FAAH: variants seen among roughly 807,000 people sequenced by gnomAD.
The protein encoded by FAAH is fatty-acid amide hydrolase 1.
In FAAH, 63 loss-of-function variants were observed where a neutral mutation model predicts 69.7. The ratio of observed to expected loss-of-function variants is 0.90; its 90% CI spans 0.74 to 1.12. FAAH has a LOEUF of 1.12. Among genes scored for constraint, FAAH ranks in the 50% most tolerant of loss-of-function variants. The pLI is 0.00. For missense variants in FAAH, 680 were observed against 755.0 expected, an observed-to-expected ratio of 0.90 and a Z score of 1.16; for synonymous variants, 305 against 324.2, an observed-to-expected ratio of 0.94 and a Z score of 0.64.
rs549644929 is a variant in FAAH, at chr1:46,401,420, C to G, written c.196-671C>G. 1.6e-3 allele frequency among the ~76,000 whole-genome samples: 238 copies of G among 152,254 alleles called. 1 individual carries two copies. Among genetic ancestry groups the G allele is most frequent in the Non-Finnish European group, 3.0e-3 (206 of 68,002 alleles). ...CAGTGAGACCAAGAACCCACCAATTCCGGACACAGAATGAATGTGTAAACC... is the reference window on the plus strand; with the variant it reads ...CAGTGAGACCAAGAACCCACCAATTGCGGACACAGAATGAATGTGTAAACC... On this transcript the variant is annotated intron_variant, in intron 1 of 14. Transcript: ENST00000243167.
Position 46,413,441 on chromosome 1 carries a change from CT to C in FAAH, c.1612-5del. 1.2e-6 allele frequency: 2 copies of C among 1,614,136 alleles called. No homozygotes were observed. Among genetic ancestry groups the C allele is most frequent in the Non-Finnish European group, 1.7e-6 (2 of 1,179,998 alleles). ...AACCCTATCCTGATGCCTGTATCCCCTATAGGGCATGAAGAAGAGTGTGGGG... is the reference window on the plus strand; with the variant it reads ...AACCCTATCCTGATGCCTGTATCCCCATAGGGCATGAAGAAGAGTGTGGGG... On this transcript the variant is annotated splice_region_variant and splice_polypyrimidine_tract_variant and intron_variant, in intron 14 of 14. Transcript: ENST00000243167.
At chr1:46,406,191 T>C in intron 6 of FAAH, 53 bp from the exon 7 acceptor site, 3 of 1,613,914 alleles carry the variant, frequency 1.9e-6, no homozygotes, top group Non-Finnish European at 1.7e-6. Context: ...CTGCTCTAGG[T>C]CTGGGTTCCT....
At chr1:46,398,950 T>C (rs1196883737) in intron 1 of FAAH, among the ~76,000 whole-genome samples, 1 of 152,056 alleles carries the variant, frequency 6.6e-6, no homozygotes, top group Non-Finnish European at 1.5e-5. Flanking sequence ...GAGAAAAATG[T>C]GTTTCTGGTA....
intron 7 of FAAH, among the ~76,000 whole-genome samples, 187 bp from the exon 8 acceptor site, chr1:46,408,272 T>C (rs1241116946): frequency 6.6e-6 from 1 of 152,212 alleles, no homozygotes; most frequent in East Asian, 1.9e-4. Flanking sequence ...GGAATCCTTA[T>C]CCTTGCTCTG....
At chr1:46,406,395 G>A (rs371252338) in intron 7 of FAAH, 27 bp downstream of exon 7, 7 of 1,613,492 alleles carry the variant, frequency 4.3e-6, no homozygotes, top group Non-Finnish European at 5.1e-6. Flanking sequence ...GGGCATGAAT[G>A]TGGACCGCTG....
intron 1 of FAAH, among the ~76,000 whole-genome samples, chr1:46,398,726 G>T (rs1354013743): frequency 2.0e-5 from 3 of 151,964 alleles, no homozygotes; most frequent in Non-Finnish European, 4.4e-5. Context: ...GTAGAGACAG[G>T]GTTTCGCCAT....
rs1289425800 is a variant in FAAH, at chr1:46,405,994, G to T, written c.786-44G>T. ...GCTCTGTGGGTGTGGGGATGGCGGCGGGTGGCCATTTCCTGTTTCCAGCAT... is the reference window on the plus strand; with the variant it reads ...GCTCTGTGGGTGTGGGGATGGCGGCTGGTGGCCATTTCCTGTTTCCAGCAT... On this transcript the variant is annotated intron_variant, in intron 5 of 14. Transcript: ENST00000243167. The surrounding 1 kb of genome is among the most constrained non-coding windows in gnomAD (Gnocchi z 4.1). 4.3e-6 allele frequency: 7 copies of T among 1,613,764 alleles called. No homozygotes were observed. The highest frequency in any genetic ancestry group is 1.3e-5 in the African/African-American group (1 of 74,924).
chr1:46,413,486 T>C lies in FAAH; in HGVS notation c.1651T>C (p.Cys551Arg), dbSNP rs768306986. ...TGTGGGGCTGCCGGTGGCCGTGCAGTGTGTGGCTCTGCCCTGGCAAGAAGA... is the reference window on the plus strand; with the variant it reads ...TGTGGGGCTGCCGGTGGCCGTGCAGCGTGTGGCTCTGCCCTGGCAAGAAGA... ...KSVGLPVAVQ[C>R]VALPWQEELC... Residue 551 changes from cysteine (C) to arginine (R), a missense_variant, in exon 15 of 15, where the codon TGT (cysteine) becomes CGT (arginine). Physicochemically the swap from Cys to Arg is radical, Grantham distance 180. Transcript: ENST00000243167. 1 of 1,613,930 alleles carries C rather than the reference T, an allele frequency of 6.2e-7. No individual in the cohort carries two copies. The highest frequency in any genetic ancestry group is 8.5e-7 in the Non-Finnish European group (1 of 1,179,996).
intron 1 of FAAH, among the ~76,000 whole-genome samples, chr1:46,399,639 C>A (rs1250310047): frequency 6.6e-6 from 1 of 152,126 alleles, no homozygotes; most frequent in African/African-American, 2.4e-5. Flanking sequence ...GTGGTGAATG[C>A]TCTGCTGATT....
intron 2 of FAAH, among the ~76,000 whole-genome samples, chr1:46,403,222 C>T (rs1430317027): frequency 1.3e-5 from 2 of 152,102 alleles, no homozygotes; most frequent in African/African-American, 4.8e-5. Context: ...CCTCCACCTC[C>T]CGGGTTCAAG....
At position 46,405,767 on chromosome 1, in the gene FAAH, G is replaced by T. The variant is rs779763848; in HGVS notation, c.758G>T (p.Gly253Val). The T allele has an allele frequency of 6.2e-7, 1 of 1,613,334 alleles. No individual in the cohort carries two copies. Among genetic ancestry groups the T allele is most frequent in the African/African-American group, 1.3e-5 (1 of 74,940 alleles). ...CCCTCCTCCTTCTGCGGCATCTGCG[G>T]CCTCAAGCCCACAGGGAACCGCCTC... Reference protein sequence around the residue: ...RFPSSFCGICGLKPTGNRLSK... With the variant: ...RFPSSFCGICVLKPTGNRLSK... Residue 253 changes from glycine to valine, a missense_variant, in exon 5 of 15, where the codon GGC becomes GTC. Gly to Val is a moderately radical substitution (Grantham distance 109, BLOSUM62 -3). Transcript: ENST00000243167. The surrounding 1 kb of genome is among the most constrained non-coding windows in gnomAD (Gnocchi z 4.1).
In FAAH at chr1:46,405,668, G is replaced by C. The variant is rs1490943212; in HGVS notation, c.659G>C (p.Gly220Ala). The change falls in exon 5 of 15, where the codon GGT (glycine) becomes GCT (alanine). Residue 220 changes from glycine to alanine, a missense_variant. By Grantham distance (60) the Gly-to-Ala change is moderately conservative (BLOSUM62 0). Coordinates refer to ENST00000243167, the MANE Select transcript of FAAH (RefSeq NM_001441.3). The surrounding 1 kb of genome is among the most constrained non-coding windows in gnomAD (Gnocchi z 4.1). ...SSKSPGGSSG[G>A]EGALIGSGGS... ...AAAAGCCCAGGGGGCTCCTCAGGGGGTGAAGGGGCCCTCATCGGGTCTGGA... is the reference window on the plus strand; with the variant it reads ...AAAAGCCCAGGGGGCTCCTCAGGGGCTGAAGGGGCCCTCATCGGGTCTGGA... 6.2e-7 allele frequency: 1 copy of C among 1,613,584 alleles called. No homozygotes were observed. The highest frequency in any genetic ancestry group is 1.7e-5 in the Admixed American group (1 of 60,032).
In FAAH at chr1:46,411,991, C is replaced by A; in HGVS notation, c.1357-152C>A. 1.4e-6 allele frequency: 1 copy of A among 736,340 alleles called. No homozygotes were observed. The highest frequency in any genetic ancestry group is 1.6e-5 in the South Asian group (1 of 64,014). The allele number at this position is 736,340 out of a possible 1,614,324, so 45.6% of individuals were successfully genotyped here. Reference sequence around the variant, plus strand: ...TGATGCCCTCTGAGAGGCAGCACTGCCTGCCCGGAGGACCTGTGTCCCACT... The same window carrying A: ...TGATGCCCTCTGAGAGGCAGCACTGACTGCCCGGAGGACCTGTGTCCCACT... On this transcript the variant is annotated intron_variant, in intron 12 of 14. Transcript: ENST00000243167. The surrounding 1 kb of genome is among the most constrained non-coding windows in gnomAD (Gnocchi z 4.8).
intron 1 of FAAH, among the ~76,000 whole-genome samples, chr1:46,396,633 A>G (rs1164177339): frequency 6.6e-6 from 1 of 152,182 alleles, no homozygotes; most frequent in South Asian, 2.1e-4. Flanking sequence ...CTGCAAACAC[A>G]TTTTTAACAA....
intron 9 of FAAH, 161 bp downstream of exon 9, chr1:46,409,359 G>A: frequency 3.0e-6 from 2 of 672,864 alleles, no homozygotes; most frequent in Non-Finnish European, 2.7e-6. Flanking sequence ...TGGGCACATT[G>A]AGCCTGGAGA....
intron 2 of FAAH, among the ~76,000 whole-genome samples, chr1:46,403,668 C>T (rs962691223): frequency 8.5e-5 from 13 of 152,230 alleles, no homozygotes; most frequent in Admixed American, 2.0e-4. Flanking sequence ...TGCCCCTGTC[C>T]GTGCCACGGG....
Position 46,411,685 on chromosome 1 carries a change from G to A in FAAH, c.1356+34G>A, listed in dbSNP as rs370791583. On this transcript the variant is annotated intron_variant, in intron 12 of 14. Transcript: ENST00000243167. The surrounding 1 kb of genome is among the most constrained non-coding windows in gnomAD (Gnocchi z 4.8). ...AGAGCCTCTGGATTGGAGCAGGGTG[G>A]TGGGGGGAGGGTGGAGTTGGACAGG... is the stretch of plus-strand genomic sequence containing the variant. The A allele has an allele frequency of 5.0e-6, 8 of 1,612,842 alleles. No homozygotes were observed. Among genetic ancestry groups the A allele is most frequent in the Non-Finnish European group, 6.8e-6 (8 of 1,179,200 alleles).
intron 1 of FAAH, among the ~76,000 whole-genome samples, chr1:46,400,073 T>G (rs1413891896): frequency 2.0e-5 from 3 of 151,476 alleles, no homozygotes; most frequent in Admixed American, 6.6e-5. Context: ...AAATCCAAAG[T>G]AAGTACTCTA....
chr1:46,400,142 T>C (rs1182764527), intron 1 of FAAH, among the ~76,000 whole-genome samples: 1 of 132,658 alleles, frequency 7.5e-6, no homozygotes, highest in Admixed American at 8.2e-5. Context: ...GGGCAGAGGC[T>C]GTGGCATGTG....
Sources: allele counts gnomAD v4.1 joint callset (sites outside exome capture counted in the v4.1 genomes callset), GRCh38; gene constraint gnomAD v4.1.1; non-coding constraint Gnocchi (gnomAD v3.1); transcripts MANE v1.5; gene names NCBI Gene and HGNC (gene_info 2026-07-23, HGNC 2026-07-21).